The following SETD1B variants were observed in gnomAD, a reference collection of about 807,000 sequenced individuals.
SETD1B encodes SET domain containing 1B, histone lysine methyltransferase, also known as histone-lysine N-methyltransferase SETD1B.
Under a neutral mutation model 148.0 loss-of-function variants are expected in SETD1B, and 7 were observed. That is an observed-to-expected ratio of 0.05 (90% CI 0.03 to 0.09). The LOEUF is 0.09. Ranked by LOEUF, SETD1B falls within the 10% of genes least tolerant of loss-of-function variation. The pLI is 1.00. For synonymous variants in SETD1B, 1,361 were observed against 1,186.5 expected (o/e 1.15, Z -3.02); for missense variants, 2,155 against 2,729.9 (o/e 0.79, Z 4.69).
Position 121,817,368 on chromosome 12 carries a change from A to C in SETD1B, c.2978-2A>C. On this transcript the variant is annotated splice_acceptor_variant, in intron 8 of 16. Transcript: ENST00000604567. LOFTEE classifies it high-confidence loss of function. This position sits in a 1 kb window ranked among gnomAD's most constrained non-coding sequence, Gnocchi z 8.1. ...CAGCTCTGACTCCCTCCCTTCCTGC[A>C]GAGTCCGAGCGAGAGCGAGACCGGG... The C allele has an allele frequency of 6.5e-7, 1 of 1,528,412 alleles. No individual in the cohort carries two copies. Among genetic ancestry groups the C allele is most frequent in the Non-Finnish European group, 8.8e-7 (1 of 1,133,170 alleles). The allele number at this position is 1,528,412 out of a possible 1,614,324, so 94.7% of individuals were successfully genotyped here. A position where few individuals can be genotyped will look rare whatever the true frequency, so the allele number is the denominator to read the frequency against.
chr12:121,815,023 G>A, intron 7 of SETD1B, 93 bp downstream of exon 7: 2 of 1,209,632 alleles, frequency 1.7e-6, no homozygotes, highest in Non-Finnish European at 2.3e-6. Flanking sequence ...CTGTTAACTG[G>A]AAACGCTGCC....
chr12:121,804,564 C>T lies in SETD1B; in HGVS notation c.-14-160C>T, dbSNP rs1233222882. On this transcript the variant is annotated intron_variant, in intron 1 of 16. Coordinates refer to ENST00000604567, the MANE Select transcript of SETD1B (RefSeq NM_001353345.2). The surrounding 1 kb of genome is among the most constrained non-coding windows in gnomAD (Gnocchi z 4.6). Reference sequence around the variant, plus strand: ...CTCCCGGAAGGGTTATTCTCTCGCTCCATTCTTGTTTTGGGGGGAGCCAGC... The same window carrying T: ...CTCCCGGAAGGGTTATTCTCTCGCTTCATTCTTGTTTTGGGGGGAGCCAGC... 6.6e-6 allele frequency among the ~76,000 whole-genome samples: 1 copy of T among 151,466 alleles called. No homozygotes were observed. The highest frequency in any genetic ancestry group is 1.5e-5 in the Non-Finnish European group (1 of 67,752).
intron 10 of SETD1B, 99 bp from the exon 11 acceptor site, chr12:121,819,305 G>A: frequency 6.6e-7 from 1 of 1,519,476 alleles, no homozygotes. Flanking sequence ...GCCGTGTTCA[G>A]CCTGGGTGCC....
At chr12:121,797,432 G>A in the SETD1B span, 4 of 456,034 alleles carry the variant, frequency 8.8e-6, no homozygotes, top group African/African-American at 2.0e-5. Context: ...GCAGCAGGAG[G>A]ACAAACTGCC....
rs1433382820 is a variant in SETD1B, at chr12:121,805,089, C to T, written c.175-29C>T. On this transcript the variant is annotated intron_variant, in intron 2 of 16. Transcript: ENST00000604567. The surrounding 1 kb of genome is among the most constrained non-coding windows in gnomAD (Gnocchi z 4.2). ...CCATGGGGAGGGGGACCAGTTCTCT[C>T]ATCCCGGCCCCCCAATTTCTCCCCA... 4.5e-6 allele frequency: 7 copies of T among 1,538,586 alleles called. No individual in the cohort carries two copies. Among genetic ancestry groups the T allele is most frequent in the Non-Finnish European group, 6.2e-6 (7 of 1,135,158 alleles).
In SETD1B at chr12:121,817,103, C is replaced by T. The variant is rs906654185; in HGVS notation, c.2786C>T (p.Ala929Val). 6.5e-7 allele frequency: 1 copy of T among 1,549,202 alleles called. No individual in the cohort carries two copies. Among genetic ancestry groups the T allele is most frequent in the East Asian group, 2.4e-5 (1 of 40,908 alleles). The change falls in exon 8 of 17, where the codon GCC becomes GTC. Residue 929 changes from alanine (A) to valine (V), a missense_variant. Coordinates refer to ENST00000604567, the MANE Select transcript of SETD1B (RefSeq NM_001353345.2). This position sits in a 1 kb window ranked among gnomAD's most constrained non-coding sequence, Gnocchi z 8.1. ...EDRPKPKDRI[A>V]SCLLESWGKG... ...AGGCCGAAGCCCAAGGACCGCATCG[C>T]CTCGTGCCTGCTGGAGTCATGGGGC... is the stretch of plus-strand genomic sequence containing the variant.
At chr12:121,813,488 G>T (rs1480267851) in intron 6 of SETD1B, among the ~76,000 whole-genome samples, 1 of 152,214 alleles carries the variant, frequency 6.6e-6, no homozygotes, top group East Asian at 1.9e-4. Context: ...CTTCTTGGCT[G>T]TGTGGCCTTG....
At chr12:121,799,465 G>A (rs1031222539), upstream of SETD1B, 2 of 152,206 alleles carry the variant, frequency 1.3e-5, no homozygotes, top group African/African-American at 4.8e-5. Flanking sequence ...CATGCCCCAC[G>A]GGGGCGGCTG....
chr12:121,793,465 G>A, the SETD1B span: 39 of 1,537,510 alleles, frequency 2.5e-5, no homozygotes, highest in Admixed American at 3.9e-5. Context: ...GGCGTCCCTC[G>A]CCCCCACCCC....
At chr12:121,803,601 C>A (rs940718073), upstream of SETD1B, 2 of 152,152 alleles carry the variant, frequency 1.3e-5, no homozygotes, top group African/African-American at 4.8e-5. This position sits in a 1 kb window ranked among gnomAD's most constrained non-coding sequence, Gnocchi z 4.7. Flanking sequence ...CACCCTCGGC[C>A]CCCCAGACCC....
the SETD1B span, among the ~76,000 whole-genome samples, chr12:121,791,030 C>T: frequency 3.3e-5 from 5 of 151,886 alleles, no homozygotes; most frequent in East Asian, 3.9e-4. Flanking sequence ...TGTGCCAACA[C>T]GCCTGGCTAA....
intron 6 of SETD1B, among the ~76,000 whole-genome samples, chr12:121,811,790 G>A (rs989480583): frequency 6.6e-6 from 1 of 152,194 alleles, no homozygotes; most frequent in Non-Finnish European, 1.5e-5. Context: ...AGGAACGAGA[G>A]GAACTTGGCT....
Position 121,805,003 on chromosome 12 carries a change from C to G in SETD1B, c.174+92C>G, listed in dbSNP as rs1304982480. 1 of 1,459,524 alleles carries G rather than the reference C, an allele frequency of 6.9e-7. No homozygotes were observed. The highest frequency in any genetic ancestry group is 9.2e-7 in the Non-Finnish European group (1 of 1,086,356). 90.4% of individuals were successfully genotyped at this position (1,459,524 alleles called of 1,614,324 possible). The stretch of plus-strand genomic sequence containing the variant: ...AGGGACCCCCCGCCCGATCCCCCGG[C>G]CAACTGTCAGACGGGGCCCCAGCCC... On this transcript the variant is annotated intron_variant, in intron 2 of 16. Coordinates refer to ENST00000604567, the MANE Select transcript of SETD1B (RefSeq NM_001353345.2). The surrounding 1 kb of genome is among the most constrained non-coding windows in gnomAD (Gnocchi z 4.2).
At chr12:121,796,668 C>G in the SETD1B span, among the ~76,000 whole-genome samples, 86,476 of 152,194 alleles carry the variant, frequency 0.57, 29,133 homozygotes, top group Middle Eastern at 0.76. Flanking sequence ...CATGAGCACT[C>G]GGGGACAGGC....
At chr12:121,792,224 C>T in the SETD1B span, among the ~76,000 whole-genome samples, 6 of 152,068 alleles carry the variant, frequency 3.9e-5, no homozygotes, top group Non-Finnish European at 8.8e-5. Context: ...ACACACAAGG[C>T]TTGGCTGGCC....
chr12:121,810,350 A>C lies in SETD1B; in HGVS notation c.1405A>C (p.Thr469Pro). The change falls in exon 6 of 17, where the codon ACC becomes CCC. Residue 469 changes from threonine to proline, a missense_variant. Transcript: ENST00000604567. The surrounding 1 kb of genome is among the most constrained non-coding windows in gnomAD (Gnocchi z 7.6). The part of the protein sequence containing the change: ...TNSMELGGRP[T>P]FGWSPEPCDS... ...CAGCATGGAGCTGGGCGGCCGGCCC[A>C]CCTTCGGCTGGAGTCCTGAGCCCTG... 6.5e-7 allele frequency: 1 copy of C among 1,546,418 alleles called. No homozygotes were observed. The highest frequency in any genetic ancestry group is 8.7e-7 in the Non-Finnish European group (1 of 1,146,656).
rs1216306573 is a variant in SETD1B, at chr12:121,817,561, A to G, written c.3169A>G (p.Thr1057Ala). 3.2e-6 allele frequency: 5 copies of G among 1,551,298 alleles called. No individual in the cohort carries two copies. The highest frequency in any genetic ancestry group is 4.4e-6 in the Non-Finnish European group (5 of 1,146,788). Residue 1057 changes from threonine (T) to alanine (A), a missense_variant, in exon 9 of 17, where the codon ACC becomes GCC. Coordinates refer to ENST00000604567, the MANE Select transcript of SETD1B (RefSeq NM_001353345.2). This position sits in a 1 kb window ranked among gnomAD's most constrained non-coding sequence, Gnocchi z 8.1. ...CGCGTCATCATCCTCGGGGTCCTCA[A>G]CCACCTCACCCTCGTCCTCGGCCTC... is the stretch of plus-strand genomic sequence containing the variant. ...SSASSSSGSS[T>A]TSPSSSASDK...
chr12:121,817,816 C>T lies in SETD1B; in HGVS notation c.3330C>T (p.Asp1110=), dbSNP rs1413882695. The change falls in exon 10 of 17, where the codon GAC becomes GAT. Residue 1110 remains aspartate, a synonymous_variant. Coordinates refer to ENST00000604567, the MANE Select transcript of SETD1B (RefSeq NM_001353345.2). This position sits in a 1 kb window ranked among gnomAD's most constrained non-coding sequence, Gnocchi z 8.1. ...TCCCCCAGGATGACGACGATGACGACAGTGATGACCGGGACGAGTCTGAGA... is the reference window on the plus strand; with the variant it reads ...TCCCCCAGGATGACGACGATGACGATAGTGATGACCGGGACGAGTCTGAGA... The part of the protein sequence containing the change: ...STSDKDDDDD[D]SDDRDESEND... The T allele has an allele frequency of 1.9e-6, 3 of 1,550,644 alleles. No individual in the cohort carries two copies. Among genetic ancestry groups the T allele is most frequent in the Non-Finnish European group, 8.7e-7 (1 of 1,146,540 alleles).
rs2137580172 is a variant in SETD1B at position 121,823,352 on chromosome 12, C to T, written c.4773C>T (p.Pro1591=). ...APPPPLPPQP[P]PPPPPPPVEP... ...CACCACCCCTTCCCCCCCAGCCACC[C>T]CCACCCCCACCTCCCCCACCTGTAG... The change falls in exon 12 of 17, where the codon CCC becomes CCT. Residue 1591 remains proline (P), a synonymous_variant. Transcript: ENST00000604567. 3 of 1,095,788 alleles carry T rather than the reference C, an allele frequency of 2.7e-6. No individual in the cohort carries two copies. The highest frequency in any genetic ancestry group is 2.7e-5 in the South Asian group (2 of 74,370). The allele number at this position is 1,095,788 out of a possible 1,614,324, so 67.9% of individuals were successfully genotyped here.
Sources: gnomAD v4.1 joint callset for allele counts (sites outside exome capture counted in the v4.1 genomes callset) on GRCh38, gnomAD v4.1.1 for gene constraint, Gnocchi (gnomAD v3.1) non-coding constraint, MANE v1.5 for transcripts, NCBI Gene and HGNC (gene_info 2026-07-23, HGNC 2026-07-21) for gene names.